PAK5: variants seen among roughly 807,000 people sequenced by gnomAD.
PAK5 encodes p21 (RAC1) activated kinase 5.
A neutral mutation model predicts 65.9 loss-of-function variants in PAK5; 16 were observed. The ratio of observed to expected loss-of-function variants is 0.24; its 90% CI spans 0.16 to 0.37. PAK5 has a LOEUF of 0.37. PAK5 is among the 10% of genes least tolerant of loss of function. PAK5 has a pLI of 1.00. For synonymous variants in PAK5, 371 were observed against 354.9 expected (o/e 1.05, Z -0.51); for missense variants, 785 against 903.9 (o/e 0.87, Z 1.69).
intron 3 of PAK5, among the ~76,000 whole-genome samples, chr20:9,628,167 T>G (rs942830790): frequency 6.6e-6 from 1 of 152,344 alleles, no homozygotes; most frequent in Non-Finnish European, 1.5e-5. Flanking sequence ...ACTGCTAATG[T>G]TTTAATGTAT....
intron 2 of PAK5, among the ~76,000 whole-genome samples, chr20:9,669,928 C>T (rs964380514): frequency 1.3e-5 from 2 of 152,018 alleles, no homozygotes; most frequent in Admixed American, 6.5e-5. Flanking sequence ...CTGCCTCCCC[C>T]CCACCCCACA....
chr20:9,800,596 T>C (rs1051537940), intron 1 of PAK5, among the ~76,000 whole-genome samples: 1 of 151,978 alleles, frequency 6.6e-6, no homozygotes, highest in Non-Finnish European at 1.5e-5. Flanking sequence ...ACTGTTTGAA[T>C]TTACAATAAT....
chr20:9,560,807 C>T (rs1436573165), intron 6 of PAK5, among the ~76,000 whole-genome samples: 1 of 152,126 alleles, frequency 6.6e-6, no homozygotes, highest in Non-Finnish European at 1.5e-5. Context: ...CTTCTATAAC[C>T]CTCTGTTTCC....
chr20:9,642,570 A>G (rs1400472536), intron 3 of PAK5, among the ~76,000 whole-genome samples: 1 of 152,252 alleles, frequency 6.6e-6, no homozygotes, highest in Non-Finnish European at 1.5e-5. Flanking sequence ...AAATAATGAA[A>G]CTAAACAAGC....
chr20:9,685,476 G>T (rs2123416534), intron 2 of PAK5, among the ~76,000 whole-genome samples: 1 of 152,298 alleles, frequency 6.6e-6, no homozygotes, highest in African/African-American at 2.4e-5. Context: ...AGATCCACAG[G>T]ACAAGGAGAG....
chr20:9,795,100 T>G (rs2049090968), intron 1 of PAK5, among the ~76,000 whole-genome samples: 1 of 152,010 alleles, frequency 6.6e-6, no homozygotes, highest in Admixed American at 6.6e-5. Context: ...AACAAGAACC[T>G]TGAATCTCTC....
chr20:9,618,896 T>A (rs2046713054), intron 3 of PAK5, among the ~76,000 whole-genome samples: 1 of 149,556 alleles, frequency 6.7e-6, no homozygotes, highest in Non-Finnish European at 1.5e-5. Context: ...TCTCAGATTC[T>A]TTTCTCTCTC....
At chr20:9,766,391 TA>T (rs1197707436) in intron 1 of PAK5, among the ~76,000 whole-genome samples, 951 of 83,064 alleles carry the variant, frequency 0.011, 140 homozygotes, top group East Asian at 0.026. Flanking sequence ...TATATATGTA[TA>T]TATATATTCA....
At chr20:9,787,826 G>A (rs1048025857) in intron 1 of PAK5, among the ~76,000 whole-genome samples, 9 of 152,082 alleles carry the variant, frequency 5.9e-5, no homozygotes, top group Non-Finnish European at 1.3e-4. Flanking sequence ...CACAATCACA[G>A]ATAATAGTAA....
rs150725498 is a variant in PAK5 at position 9,618,915 on chromosome 20, G to GTTTTTTTTTT, written c.204+25200_204+25209dup. 1.6e-4 allele frequency among the ~76,000 whole-genome samples: 3 copies of GTTTTTTTTTT among 18,838 alleles called. 1 individual carries two copies. The highest frequency in any genetic ancestry group is 1.8e-3 in the Admixed American group (2 of 1,114). 12.4% of individuals were successfully genotyped at this position (18,838 alleles called of 152,430 possible). On this transcript the variant is annotated intron_variant, in intron 3 of 9. Transcript: ENST00000353224. ...AGATTCTTTTCTCTCTCTTTCTTTCGTTTTTTTTTTTTTTTTTTTTTTTTT... is the reference window on the plus strand; with the variant it reads ...AGATTCTTTTCTCTCTCTTTCTTTCGTTTTTTTTTTTTTTTTTTTTTTTTTTTTTTTTTTT...
intron 2 of PAK5, among the ~76,000 whole-genome samples, chr20:9,666,895 T>C (rs2047427373): frequency 6.6e-6 from 1 of 152,206 alleles, no homozygotes. Flanking sequence ...TCCACATTCT[T>C]AACCATGATG....
intron 3 of PAK5, among the ~76,000 whole-genome samples, chr20:9,636,411 G>GT (rs1450143602): frequency 6.6e-6 from 1 of 152,130 alleles, no homozygotes; most frequent in African/African-American, 2.4e-5. Flanking sequence ...GATTTTTCCT[G>GT]TTTTTGTGAA....
intron 2 of PAK5, among the ~76,000 whole-genome samples, chr20:9,665,172 G>T (rs1341603720): frequency 7.2e-6 from 1 of 139,640 alleles, no homozygotes; most frequent in Non-Finnish European, 1.5e-5. Flanking sequence ...CTCCCACCTT[G>T]GCCTCCCAAA....
At chr20:9,659,196 G>A (rs2047310690) in intron 2 of PAK5, among the ~76,000 whole-genome samples, 1 of 152,090 alleles carries the variant, frequency 6.6e-6, no homozygotes, top group Non-Finnish European at 1.5e-5. Context: ...AATCATAACT[G>A]GAAACACTGT....
At chr20:9,555,367 G>A (rs771479052) in intron 7 of PAK5, among the ~76,000 whole-genome samples, 12 of 152,098 alleles carry the variant, frequency 7.9e-5, no homozygotes, top group Non-Finnish European at 1.8e-4. Flanking sequence ...TGAGGGGAGG[G>A]GAGATCTTTA....
At position 9,838,522 on chromosome 20, in the gene PAK5, C is replaced by T. The variant is rs982756176; in HGVS notation, c.-162+240G>A. Among the ~76,000 whole-genome samples the T allele has an allele frequency of 6.6e-6, 1 of 152,154 alleles. No homozygotes were observed. The highest frequency in any genetic ancestry group is 1.5e-5 in the Non-Finnish European group (1 of 68,020). The stretch of plus-strand genomic sequence containing the variant: ...ATCCTTTATTTGGTTGGTAGAGAGC[C>T]CAGGCTGGATAGTAGCGCATGGGTT... On this transcript the variant is annotated intron_variant, in intron 1 of 9. Transcript: ENST00000353224. This position sits in a 1 kb window ranked among gnomAD's most constrained non-coding sequence, Gnocchi z 4.5.
intron 4 of PAK5, 74 bp downstream of exon 4, chr20:9,580,071 A>G: frequency 7.8e-7 from 1 of 1,279,372 alleles, no homozygotes; most frequent in Non-Finnish European, 1.1e-6. Context: ...ATCCAATCGT[A>G]TAAAAAGGTC....
chr20:9,570,976 G>C (rs2045771061), intron 4 of PAK5, among the ~76,000 whole-genome samples: 1 of 152,216 alleles, frequency 6.6e-6, no homozygotes, highest in East Asian at 1.9e-4. Context: ...ATGGAATGCA[G>C]AGCTCTTTGC....
intron 1 of PAK5, among the ~76,000 whole-genome samples, chr20:9,820,815 A>T (rs2049411256): frequency 6.6e-6 from 1 of 152,032 alleles, no homozygotes; most frequent in African/African-American, 2.4e-5. Flanking sequence ...AAGGAACTGA[A>T]TGGGGAGCCC....
Sources: allele counts gnomAD v4.1 joint callset (sites outside exome capture counted in the v4.1 genomes callset), GRCh38; gene constraint gnomAD v4.1.1; non-coding constraint Gnocchi (gnomAD v3.1); transcripts MANE v1.5; gene names NCBI Gene and HGNC (gene_info 2026-07-23, HGNC 2026-07-21).